COG5: variants seen among roughly 807,000 people sequenced by gnomAD.
The protein encoded by COG5 is conserved oligomeric Golgi complex subunit 5.
Under a neutral mutation model 110.4 loss-of-function variants are expected in COG5, and 86 were observed. That is an observed-to-expected ratio of 0.78 (90% confidence interval 0.65 to 0.93). The LOEUF (loss-of-function observed/expected upper bound fraction) is 0.93. COG5 is among the 40% of genes least tolerant of loss of function. The pLI is 0.00. For missense variants in COG5, 1,077 were observed against 987.0 expected, an observed-to-expected ratio of 1.09 and a Z score of -1.22; for synonymous variants, 360 against 334.6, an observed-to-expected ratio of 1.08 and a Z score of -0.83.
chr7:107,328,145 T>C (rs893974779), intron 10 of COG5, among the ~76,000 whole-genome samples: 1 of 152,206 alleles, frequency 6.6e-6, no homozygotes, highest in African/African-American at 2.4e-5. Flanking sequence ...ATTCTGTCAT[T>C]GTGCAAAAAT....
intron 8 of COG5, among the ~76,000 whole-genome samples, chr7:107,368,050 A>G (rs1378775495): frequency 6.6e-6 from 1 of 152,122 alleles, no homozygotes; most frequent in African/African-American, 2.4e-5. Context: ...ACAACTGGCA[A>G]ATGAGGATGG....
chr7:107,384,352 A>G (rs1815384092), intron 7 of COG5, among the ~76,000 whole-genome samples: 1 of 152,130 alleles, frequency 6.6e-6, no homozygotes, highest in Admixed American at 6.5e-5. Context: ...GTCCCTGGAG[A>G]AACTCCAACC....
At chr7:107,213,737 C>T (rs1799329747) in intron 19 of COG5, among the ~76,000 whole-genome samples, 1 of 152,132 alleles carries the variant, frequency 6.6e-6, no homozygotes, top group Non-Finnish European at 1.5e-5. Context: ...CTGGCTCATC[C>T]AGAATCACAG....
At chr7:107,209,811 T>A in intron 21 of COG5, 9 of 985,164 alleles carry the variant, frequency 9.1e-6, no homozygotes, top group Non-Finnish European at 1.1e-5. Context: ...AGTCCCAGTT[T>A]ATGAGTTTAC....
chr7:107,557,937 G>C (rs771519754), intron 2 of COG5, 39 bp downstream of exon 2: 5 of 1,609,554 alleles, frequency 3.1e-6, no homozygotes, highest in Non-Finnish European at 3.4e-6. Context: ...TATCACTTTA[G>C]GCTGAATAAT....
intron 7 of COG5, among the ~76,000 whole-genome samples, chr7:107,377,085 G>C (rs1241100712): frequency 6.6e-6 from 1 of 152,014 alleles, no homozygotes; most frequent in Non-Finnish European, 1.5e-5. Context: ...CATAAAATGA[G>C]CAGGTACATA....
At chr7:107,553,263 A>T (rs1369537446) in intron 3 of COG5, among the ~76,000 whole-genome samples, 1 of 152,216 alleles carries the variant, frequency 6.6e-6, no homozygotes, top group African/African-American at 2.4e-5. Context: ...GACTAATAAT[A>T]GTAATTAATT....
At chr7:107,430,135 C>T (rs1228418720) in intron 6 of COG5, among the ~76,000 whole-genome samples, 3 of 152,048 alleles carry the variant, frequency 2.0e-5, no homozygotes, top group African/African-American at 4.8e-5. Flanking sequence ...ATCTCATTTC[C>T]TTTTGTCACT....
chr7:107,303,924 T>C (rs1264731561), intron 11 of COG5, among the ~76,000 whole-genome samples: 2 of 152,212 alleles, frequency 1.3e-5, no homozygotes, highest in African/African-American at 4.8e-5. Flanking sequence ...ATTCAGATTA[T>C]TGCCTTGTGC....
Position 107,362,263 on chromosome 7 carries a change from G to A in COG5, c.948+45C>T, listed in dbSNP as rs1446434751. 2.7e-6 allele frequency: 4 copies of A among 1,476,296 alleles called. No individual in the cohort carries two copies. In the Admixed American group the frequency reaches 5.1e-5, roughly 19 times the overall value. The allele number at this position is 1,476,296 out of a possible 1,614,324, so 91.4% of individuals were successfully genotyped here. A position where few individuals can be genotyped will look rare whatever the true frequency, so the allele number is the denominator to read the frequency against. The stretch of plus-strand genomic sequence containing the variant: ...AGGTCACACAATTTGGAATAACCAG[G>A]AGTTAATCCATATTAATGTTTTTTC... On this transcript the variant is annotated intron_variant, in intron 9 of 21. Coordinates refer to ENST00000297135, the MANE Select transcript of COG5 (RefSeq NM_006348.5).
At chr7:107,340,231 G>A (rs1484305153) in intron 10 of COG5, among the ~76,000 whole-genome samples, 5 of 152,094 alleles carry the variant, frequency 3.3e-5, no homozygotes, top group Admixed American at 3.3e-4. Context: ...GCTCCTCAGA[G>A]ACTATTAGGA....
At chr7:107,453,375 A>G (rs1038864317) in intron 6 of COG5, among the ~76,000 whole-genome samples, 2 of 152,192 alleles carry the variant, frequency 1.3e-5, no homozygotes, top group East Asian at 1.9e-4. Context: ...GAATATATAG[A>G]TAACTAACAA....
intron 6 of COG5, among the ~76,000 whole-genome samples, chr7:107,514,859 T>C (rs538394636): frequency 6.6e-6 from 1 of 152,306 alleles, no homozygotes; most frequent in Admixed American, 6.5e-5. Context: ...TCATGCAAAG[T>C]GCAGATGAGC....
intron 6 of COG5, among the ~76,000 whole-genome samples, chr7:107,495,305 A>G (rs1798207745): frequency 6.6e-6 from 1 of 152,188 alleles, no homozygotes; most frequent in African/African-American, 2.4e-5. Context: ...ACACAGGTAC[A>G]GGGAAAACCA....
chr7:107,341,483 T>C (rs543554305), intron 10 of COG5, among the ~76,000 whole-genome samples: 10 of 152,134 alleles, frequency 6.6e-5, no homozygotes, highest in South Asian at 4.2e-4. Context: ...ACTATTCCTA[T>C]CAAACTACCA....
chr7:107,492,552 C>G (rs1563064752), intron 6 of COG5, among the ~76,000 whole-genome samples: 1 of 152,118 alleles, frequency 6.6e-6, no homozygotes, highest in Admixed American at 6.6e-5. Context: ...GGTTGTGGAA[C>G]TGAGGACCTC....
intron 10 of COG5, among the ~76,000 whole-genome samples, chr7:107,356,543 A>G (rs568822558): frequency 5.3e-5 from 8 of 152,280 alleles, no homozygotes; most frequent in South Asian, 4.2e-4. Flanking sequence ...CATAATAAAT[A>G]AAACAAAATA....
chr7:107,409,393 A>ACTAAAAGTAATCTACTTTCAGTAGATTC (rs1563016587), intron 7 of COG5, among the ~76,000 whole-genome samples: 6 of 152,112 alleles, frequency 3.9e-5, no homozygotes, highest in African/African-American at 1.4e-4. Context: ...CCAGTAGATT[A>ACTAAAAGTAATCTACTTTCAGTAGATTC]CTGAAAGTAA....
In COG5 at chr7:107,227,643, G is replaced by A. The variant is rs114865259; in HGVS notation, c.2168+2972C>T. Among the ~76,000 whole-genome samples, 344 of 150,976 alleles carry A rather than the reference G, an allele frequency of 2.3e-3. 3 individuals carry two copies. Among genetic ancestry groups the A allele is most frequent in the African/African-American group, 7.8e-3 (320 of 41,138 alleles). ...TCCATACTATGACACAACTTTAAGAGTGCTTACATGAAGGTCATCCTGCCT... is the reference window on the plus strand; with the variant it reads ...TCCATACTATGACACAACTTTAAGAATGCTTACATGAAGGTCATCCTGCCT... On this transcript the variant is annotated intron_variant, in intron 19 of 21. Transcript: ENST00000297135.
Sources: allele counts gnomAD v4.1 joint callset (sites outside exome capture counted in the v4.1 genomes callset), GRCh38; gene constraint gnomAD v4.1.1; transcripts MANE v1.5; gene names NCBI Gene and HGNC (gene_info 2026-07-23, HGNC 2026-07-21).